The following DTNBP1 variants were observed in gnomAD, a reference collection of about 807,000 sequenced individuals.
DTNBP1 encodes dystrobrevin binding protein 1, also known as dysbindin.
DTNBP1 carries 35 observed loss-of-function variants against 42.8 expected under a neutral mutation model. That is an observed-to-expected ratio of 0.82 (90% CI 0.63 to 1.09). DTNBP1 has a LOEUF of 1.09. Ranked by LOEUF, DTNBP1 falls within the 50% of genes least tolerant of loss-of-function variation. The pLI, the probability that DTNBP1 is intolerant of heterozygous loss-of-function variation, is 0.00. For missense variants in DTNBP1, 457 were observed against 424.2 expected (o/e 1.08, Z -0.68); for synonymous variants, 171 against 162.2 (o/e 1.05, Z -0.41).
chr6:15,591,028 T>A (rs1434972984), intron 7 of DTNBP1, among the ~76,000 whole-genome samples: 2 of 152,030 alleles, frequency 1.3e-5, no homozygotes, highest in Non-Finnish European at 2.9e-5. Context: ...CCACAATATG[T>A]TCGAACAAAC....
chr6:15,575,211 TA>T (rs1269829078), intron 7 of DTNBP1, among the ~76,000 whole-genome samples: 1 of 152,202 alleles, frequency 6.6e-6, no homozygotes, highest in Non-Finnish European at 1.5e-5. Context: ...TAATATAATA[TA>T]AACCTACTTA....
intron 7 of DTNBP1, chr6:15,585,788 G>C: frequency 1.3e-6 from 2 of 1,531,766 alleles, no homozygotes; most frequent in African/African-American, 2.7e-5. Context: ...GGAGTGAACA[G>C]AAGCTCAGTG....
At chr6:15,626,560 C>G (rs1759359015) in intron 5 of DTNBP1, among the ~76,000 whole-genome samples, 1 of 152,080 alleles carries the variant, frequency 6.6e-6, no homozygotes, top group Non-Finnish European at 1.5e-5. Flanking sequence ...TTACTAAGAT[C>G]TTAAGCTTGA....
rs1328820754 is a variant in DTNBP1 at position 15,628,716 on chromosome 6, G to C, written c.223-1241C>G. Among the ~76,000 whole-genome samples, 4 of 152,156 alleles carry C rather than the reference G, an allele frequency of 2.6e-5. No homozygotes were observed. The East Asian group carries it at 7.7e-4, about 29-fold the overall frequency. ...GCCACTGTGCCCGGCCAGGATTAAG[G>C]CTCTTTAAGAGTTAGAATCTGAATA... is the stretch of plus-strand genomic sequence containing the variant. On this transcript the variant is annotated intron_variant, in intron 4 of 9. Coordinates refer to ENST00000344537, the MANE Select transcript of DTNBP1 (RefSeq NM_032122.5).
At chr6:15,594,248 A>C (rs926573695) in intron 6 of DTNBP1, among the ~76,000 whole-genome samples, 1 of 152,142 alleles carries the variant, frequency 6.6e-6, no homozygotes, top group African/African-American at 2.4e-5. Context: ...GGATCACCTG[A>C]GGTCAGGAGT....
At chr6:15,594,269 C>A (rs1411934572) in intron 6 of DTNBP1, among the ~76,000 whole-genome samples, 2 of 151,984 alleles carry the variant, frequency 1.3e-5, no homozygotes, top group East Asian at 3.9e-4. Context: ...TCGAGATCAG[C>A]CTGGCCAACA....
intron 7 of DTNBP1, among the ~76,000 whole-genome samples, chr6:15,557,246 A>AT (rs34529397): frequency 0.12 from 16,299 of 135,030 alleles, 1,106 homozygotes; most frequent in Non-Finnish European, 0.16. Context: ...GGGGGTGGGA[A>AT]TTTTTTTTTT....
At chr6:15,637,704 G>C in intron 4 of DTNBP1, 40 bp downstream of exon 4, 1 of 1,604,954 alleles carries the variant, frequency 6.2e-7, no homozygotes, top group Non-Finnish European at 8.5e-7. Flanking sequence ...CACTGAAAAA[G>C]GAAAGTTTGC....
intron 7 of DTNBP1, among the ~76,000 whole-genome samples, chr6:15,562,016 G>A (rs887254715): frequency 6.6e-6 from 1 of 152,318 alleles, no homozygotes; most frequent in Non-Finnish European, 1.5e-5. Context: ...CTGGAAAAGG[G>A]AGGATGCATC....
intron 1 of DTNBP1, among the ~76,000 whole-genome samples, chr6:15,655,074 T>A (rs1021252482): frequency 6.6e-6 from 1 of 152,160 alleles, no homozygotes; most frequent in Non-Finnish European, 1.5e-5. Context: ...AATGGATATA[T>A]GTGGTTCATT....
intron 7 of DTNBP1, among the ~76,000 whole-genome samples, chr6:15,539,700 A>AGG (rs1773449764): frequency 6.6e-6 from 1 of 152,212 alleles, no homozygotes; most frequent in Non-Finnish European, 1.5e-5. Flanking sequence ...CACTTCTCAG[A>AGG]GATCCTGGTA....
intron 1 of DTNBP1, among the ~76,000 whole-genome samples, chr6:15,659,519 AT>A (rs1202054782): frequency 7.3e-6 from 1 of 137,516 alleles, no homozygotes; most frequent in Non-Finnish European, 1.6e-5. Context: ...ATGTTTTTTC[AT>A]TTTTTCTTTC....
At chr6:15,639,267 G>A (rs897055828) in intron 3 of DTNBP1, among the ~76,000 whole-genome samples, 2 of 152,126 alleles carry the variant, frequency 1.3e-5, no homozygotes, top group Non-Finnish European at 2.9e-5. Context: ...GAAATTGCTT[G>A]TTCTATTTTT....
chr6:15,662,453 G>C (rs894932520), intron 1 of DTNBP1, among the ~76,000 whole-genome samples: 3 of 152,196 alleles, frequency 2.0e-5, no homozygotes, highest in Non-Finnish European at 4.4e-5. Context: ...CCACTGTGCC[G>C]CGGGGGCGGA....
intron 7 of DTNBP1, among the ~76,000 whole-genome samples, chr6:15,539,524 T>C (rs1263482632): frequency 6.6e-6 from 1 of 152,218 alleles, no homozygotes; most frequent in African/African-American, 2.4e-5. Context: ...CACGCCTGTG[T>C]GGCTGTTTTT....
At chr6:15,640,699 T>C (rs1192479389) in intron 3 of DTNBP1, among the ~76,000 whole-genome samples, 4 of 152,240 alleles carry the variant, frequency 2.6e-5, no homozygotes, top group African/African-American at 9.6e-5. Context: ...AAGAGGCATC[T>C]AGAATCTGTC....
chr6:15,525,147 G>C lies in DTNBP1; in HGVS notation c.668-478C>G, dbSNP rs145644076. Among the ~76,000 whole-genome samples the C allele has an allele frequency of 2.1e-3, 325 of 152,360 alleles. 3 individuals are homozygous for C. Among genetic ancestry groups the C allele is most frequent in the African/African-American group, 7.0e-3 (291 of 41,578 alleles). On this transcript the variant is annotated intron_variant, in intron 8 of 9. Transcript: ENST00000344537. Reference sequence around the variant, plus strand: ...TTTCTCGGGCCTAACGGCAGAAGGGGTTTGACCTACATCTGTAAGCTGTAA... The same window carrying C: ...TTTCTCGGGCCTAACGGCAGAAGGGCTTTGACCTACATCTGTAAGCTGTAA...
chr6:15,619,658 TA>T (rs1286438754), intron 5 of DTNBP1, among the ~76,000 whole-genome samples: 4 of 151,312 alleles, frequency 2.6e-5, no homozygotes, highest in African/African-American at 4.8e-5. Flanking sequence ...TAATATTAAG[TA>T]AAAAAAAATT....
intron 3 of DTNBP1, among the ~76,000 whole-genome samples, chr6:15,648,695 T>C (rs183856184): frequency 3.9e-5 from 6 of 152,078 alleles, no homozygotes; most frequent in Non-Finnish European, 1.5e-5. Flanking sequence ...GAAAGACTCA[T>C]ACAATGAAAA....
Sources: allele counts gnomAD v4.1 joint callset (sites outside exome capture counted in the v4.1 genomes callset), GRCh38; gene constraint gnomAD v4.1.1; transcripts MANE v1.5; gene names NCBI Gene and HGNC (gene_info 2026-07-23, HGNC 2026-07-21).